ZNF283: variants seen among roughly 807,000 people sequenced by gnomAD.
ZNF283 encodes the protein zinc finger protein 41.
ZNF283 carries 10 observed loss-of-function variants against 9.2 expected under a neutral mutation model. The ratio of observed to expected loss-of-function variants is 1.09; its 90% CI spans 0.67 to 1.85. ZNF283 has a LOEUF of 1.85. Among genes scored for constraint, ZNF283 ranks in the 40% most tolerant of loss-of-function variants. The pLI is 0.00. For missense variants in ZNF283, 631 were observed against 760.1 expected (o/e 0.83, Z 2.00); for synonymous variants, 234 against 244.1 (o/e 0.96, Z 0.38).
chr19:43,830,772 G>A (rs528420426), intron 2 of ZNF283, among the ~76,000 whole-genome samples: 122 of 151,902 alleles, frequency 8.0e-4, no homozygotes, highest in African/African-American at 2.8e-3. Context: ...GCGTGGTGGC[G>A]TGCACCTGTA....
At chr19:43,845,939 G>T (rs1971385841) in intron 6 of ZNF283, among the ~76,000 whole-genome samples, 1 of 152,098 alleles carries the variant, frequency 6.6e-6, no homozygotes, top group African/African-American at 2.4e-5. Context: ...GATGATGTGT[G>T]TATCACATTG....
At chr19:43,829,563 G>A (rs1000739837) in intron 2 of ZNF283, among the ~76,000 whole-genome samples, 3 of 152,160 alleles carry the variant, frequency 2.0e-5, no homozygotes, top group Non-Finnish European at 4.4e-5. Flanking sequence ...GATGTAAGAT[G>A]AGATATTATA....
rs1971580883 is a variant in ZNF283, at chr19:43,850,565, A to C, written c.*1924A>C. ...AGTGATTCTCGTGCCTCAGCCTCCCAAGTAGCTGGATACACAGGTGTGCAC... is the reference window on the plus strand; with the variant it reads ...AGTGATTCTCGTGCCTCAGCCTCCCCAGTAGCTGGATACACAGGTGTGCAC... On this transcript the variant is annotated 3_prime_UTR_variant, in exon 7 of 7. Coordinates refer to ENST00000618787, the MANE Select transcript of ZNF283 (RefSeq NM_181845.2). 1 of 151,726 alleles carries C rather than the reference A, an allele frequency of 6.6e-6. No homozygotes were observed. The highest frequency in any genetic ancestry group is 2.4e-5 in the African/African-American group (1 of 41,214). 9.4% of individuals were successfully genotyped at this position (151,726 alleles called of 1,614,324 possible).
At chr19:43,842,910 A>C (rs771283378) in intron 6 of ZNF283, among the ~76,000 whole-genome samples, 3 of 151,972 alleles carry the variant, frequency 2.0e-5, no homozygotes, top group Non-Finnish European at 4.4e-5. Flanking sequence ...TATTCATTTT[A>C]TTAAATCTCA....
At chr19:43,846,014 G>A (rs1421027886) in intron 6 of ZNF283, among the ~76,000 whole-genome samples, 1 of 152,090 alleles carries the variant, frequency 6.6e-6, no homozygotes, top group Non-Finnish European at 1.5e-5. Flanking sequence ...CAAGAAATAA[G>A]TAAACTTAAT....
In ZNF283 at chr19:43,851,587, GC is replaced by G. The variant is rs1971611415; in HGVS notation, c.*2947del. On this transcript the variant is annotated 3_prime_UTR_variant, in exon 7 of 7. Transcript: ENST00000618787. ...AAAAATTAGCCGGGCGTGGTGGCGG[GC>G]GCCTGTGGTCCCAGCTACTCGGGGA... 1 of 152,318 alleles carries G rather than the reference GC, an allele frequency of 6.6e-6. No individual in the cohort carries two copies. The highest frequency in any genetic ancestry group is 1.5e-5 in the Non-Finnish European group (1 of 68,176). The allele number at this position is 152,318 out of a possible 1,614,324, so 9.4% of individuals were successfully genotyped here.
chr19:43,829,909 G>A (rs1000730363), intron 2 of ZNF283, among the ~76,000 whole-genome samples: 8 of 152,012 alleles, frequency 5.3e-5, no homozygotes, highest in Admixed American at 5.2e-4. Flanking sequence ...TGTAGTCCCA[G>A]CTACTCGGGA....
chr19:43,842,486 G>A (rs1252936874), intron 6 of ZNF283, among the ~76,000 whole-genome samples: 1 of 152,178 alleles, frequency 6.6e-6, no homozygotes, highest in East Asian at 1.9e-4. Context: ...AAACTGTTCA[G>A]GCAAGCAGTT....
At chr19:43,843,605 G>A (rs1971296953) in intron 6 of ZNF283, among the ~76,000 whole-genome samples, 1 of 152,234 alleles carries the variant, frequency 6.6e-6, no homozygotes. Context: ...TTTATGAGAT[G>A]GGTGGTAATA....
chr19:43,835,049 G>C (rs1970905433), intron 4 of ZNF283, among the ~76,000 whole-genome samples: 1 of 151,950 alleles, frequency 6.6e-6, no homozygotes, highest in Non-Finnish European at 1.5e-5. Context: ...ATTTCCCTAA[G>C]TTAGCATGTA....
At chr19:43,828,017 C>T (rs1036834223) in intron 1 of ZNF283, 185 bp from the exon 2 acceptor site, 1 of 152,140 alleles carries the variant, frequency 6.6e-6, no homozygotes, top group African/African-American at 2.4e-5. Context: ...GCAAGCAGAC[C>T]TCTGTCCCCA....
chr19:43,835,611 C>T lies in ZNF283; in HGVS notation c.210+19C>T, dbSNP rs1213452243. On this transcript the variant is annotated intron_variant, in intron 5 of 6. Transcript: ENST00000618787. ...GACTGATGTAAGTTGGTATTTTTCT[C>T]TCCATGAAATACTGTGATTTTTAGG... 8.4e-6 allele frequency: 13 copies of T among 1,543,450 alleles called. No homozygotes were observed. The highest frequency in any genetic ancestry group is 1.2e-5 in the Non-Finnish European group (13 of 1,123,296).
rs936016095 is a variant in ZNF283 at position 43,850,671 on chromosome 19, C to T, written c.*2030C>T. 6.6e-6 allele frequency: 1 copy of T among 152,152 alleles called. No homozygotes were observed. Among genetic ancestry groups the T allele is most frequent in the African/African-American group, 2.4e-5 (1 of 41,410 alleles). 9.4% of individuals were successfully genotyped at this position (152,152 alleles called of 1,614,324 possible). ...TCCAGGCTGATCTTGAACTCCTGCA[C>T]CTGCCTCAGCCTCCCAAAGTGTTGG... is the stretch of plus-strand genomic sequence containing the variant. On this transcript the variant is annotated 3_prime_UTR_variant, in exon 7 of 7. Coordinates refer to ENST00000618787, the MANE Select transcript of ZNF283 (RefSeq NM_181845.2).
chr19:43,837,150 TGG>T lies in ZNF283; in HGVS notation c.309_310del (p.Asn105LeufsTer2). On this transcript the variant is annotated frameshift_variant, in exon 6 of 7. Coordinates refer to ENST00000618787, the MANE Select transcript of ZNF283 (RefSeq NM_181845.2). LOFTEE classifies it low-confidence loss of function (END_TRUNC). The stretch of plus-strand genomic sequence containing the variant: ...AGGGACTTGTACGTGGATGTAATGT[TGG>T]AGAACTATAGTAACTTGGTGTCACT... The T allele has an allele frequency of 6.2e-7, 1 of 1,612,804 alleles. No individual in the cohort carries two copies.
At chr19:43,831,049 T>C (rs532529302) in intron 2 of ZNF283, among the ~76,000 whole-genome samples, 93 of 152,006 alleles carry the variant, frequency 6.1e-4, no homozygotes, top group Middle Eastern at 3.4e-3. Context: ...ATAAATGATA[T>C]AATTTTAAGC....
At chr19:43,838,768 A>C (rs567958695) in intron 6 of ZNF283, among the ~76,000 whole-genome samples, 65 of 152,152 alleles carry the variant, frequency 4.3e-4, no homozygotes, top group Non-Finnish European at 8.1e-4. Flanking sequence ...AGATTTAGTC[A>C]GTGGGAATCC....
At chr19:43,834,469 A>G (rs1970865788) in intron 4 of ZNF283, among the ~76,000 whole-genome samples, 1 of 151,766 alleles carries the variant, frequency 6.6e-6, no homozygotes, top group African/African-American at 2.4e-5. Context: ...TATACAGTTC[A>G]TGTAATGTAT....
At chr19:43,841,434 C>CTTTTTTT (rs557533523) in intron 6 of ZNF283, 2 of 129,610 alleles carry the variant, frequency 1.5e-5, no homozygotes, top group African/African-American at 2.9e-5. Context: ...CTAATTTTAT[C>CTTTTTTT]TTTTTTTTTT....
At chr19:43,837,877 G>A (rs1971046776) in intron 6 of ZNF283, 2 of 152,226 alleles carry the variant, frequency 1.3e-5, no homozygotes, top group African/African-American at 4.8e-5. Flanking sequence ...GAACTCTAGA[G>A]TAGAGTTATT....
Sources: allele counts gnomAD v4.1 joint callset (sites outside exome capture counted in the v4.1 genomes callset), GRCh38; gene constraint gnomAD v4.1.1; transcripts MANE v1.5; gene names NCBI Gene and HGNC (gene_info 2026-07-23, HGNC 2026-07-21).